The following FAM178B variants were observed in gnomAD, a reference collection of about 807,000 sequenced individuals.
The protein encoded by FAM178B is protein FAM178B.
A neutral mutation model predicts 91.7 loss-of-function variants in FAM178B; 82 were observed. That is an observed-to-expected ratio of 0.89 (90% confidence interval 0.75 to 1.07). FAM178B has a LOEUF of 1.07. Among genes scored for constraint, FAM178B ranks in the 50% least tolerant of loss-of-function variants. FAM178B has a pLI of 0.00. For synonymous variants in FAM178B, 368 were observed against 359.4 expected (o/e 1.02, Z -0.27); for missense variants, 769 against 846.7 (o/e 0.91, Z 1.14).
At chr2:96,971,816 G>A in intron 3 of FAM178B, 85 bp downstream of exon 3, 5 of 1,298,312 alleles carry the variant, frequency 3.9e-6, no homozygotes, top group Non-Finnish European at 5.1e-6. Context: ...GCGTGGCTCA[G>A]GAGAGGGTGG....
chr2:96,981,447 T>C (rs2153376499), intron 1 of FAM178B, among the ~76,000 whole-genome samples: 1 of 152,236 alleles, frequency 6.6e-6, no homozygotes, highest in Non-Finnish European at 1.5e-5. Flanking sequence ...TGTAGCCCAA[T>C]TTATCAACAT....
intron 9 of FAM178B, 131 bp downstream of exon 9, chr2:96,929,075 T>C: frequency 3.0e-6 from 2 of 672,658 alleles, no homozygotes; most frequent in Admixed American, 5.1e-5. Context: ...GGAGGATCAC[T>C]TGAGCCTGGG....
intron 6 of FAM178B, 94 bp downstream of exon 6, chr2:96,960,194 T>G (rs2082059336): frequency 1.4e-6 from 2 of 1,408,020 alleles, no homozygotes; most frequent in East Asian, 5.1e-5. Flanking sequence ...CTCTTCGAAC[T>G]TCCCCCTTTG....
intron 6 of FAM178B, among the ~76,000 whole-genome samples, chr2:96,958,577 C>A (rs2082034198): frequency 6.6e-6 from 1 of 151,506 alleles, no homozygotes; most frequent in African/African-American, 2.4e-5. Flanking sequence ...GTAAACCCAG[C>A]CACTCAGCAG....
Position 96,960,279 on chromosome 2 carries a change from C to T in FAM178B, c.887+9G>A, listed in dbSNP as rs1342105076. The T allele has an allele frequency of 6.4e-7, 1 of 1,551,612 alleles. No homozygotes were observed. The highest frequency in any genetic ancestry group is 8.7e-7 in the Non-Finnish European group (1 of 1,146,982). On this transcript the variant is annotated intron_variant, in intron 6 of 16. Coordinates refer to ENST00000490605, the MANE Select transcript of FAM178B (RefSeq NM_001122646.3). ...GCGCCACCCCCTCACCCCTCCTCCC[C>T]ACACTTACCTGAGGAACAGCCCTTC...
chr2:96,912,541 A>G lies in FAM178B; in HGVS notation c.1562+8624T>C, dbSNP rs748630693. Among the ~76,000 whole-genome samples, 4 of 152,148 alleles carry G rather than the reference A, an allele frequency of 2.6e-5. No homozygotes were observed. The Middle Eastern group carries it at 0.01, about 388-fold the overall frequency. On this transcript the variant is annotated intron_variant, in intron 12 of 16. Transcript: ENST00000490605. ...GAAGTGCTGGTTGCTCATCAGGAAG[A>G]GCCCGAGAGGTCCCTGGTGACGGAG...
At chr2:96,897,520 G>C (rs1468532332) in intron 13 of FAM178B, among the ~76,000 whole-genome samples, 1 of 152,160 alleles carries the variant, frequency 6.6e-6, no homozygotes, top group Non-Finnish European at 1.5e-5. Context: ...CCCCAAACCT[G>C]CTCCAGCTGC....
chr2:96,977,434 C>A (rs1236916418), intron 1 of FAM178B, among the ~76,000 whole-genome samples: 2 of 143,044 alleles, frequency 1.4e-5, no homozygotes, highest in Admixed American at 7.0e-5. Flanking sequence ...AAAACGTGAA[C>A]GACCGTGCCT....
At chr2:96,979,275 ATTT>A (rs745659064) in intron 1 of FAM178B, among the ~76,000 whole-genome samples, 3 of 114,396 alleles carry the variant, frequency 2.6e-5, no homozygotes, top group Admixed American at 1.0e-4. Context: ...GCGCCCAGGC[ATTT>A]TTTTTTTTTT....
At chr2:96,981,806 C>T (rs2082366665) in intron 1 of FAM178B, among the ~76,000 whole-genome samples, 1 of 150,926 alleles carries the variant, frequency 6.6e-6, no homozygotes, top group Non-Finnish European at 1.5e-5. Flanking sequence ...GGGGCTCACA[C>T]CTGTAATCCC....
chr2:96,921,548 AG>A lies in FAM178B; in HGVS notation c.1393del (p.Leu465CysfsTer32). 6.4e-7 allele frequency: 1 copy of A among 1,551,708 alleles called. No individual in the cohort carries two copies. Among genetic ancestry groups the A allele is most frequent in the Non-Finnish European group, 8.7e-7 (1 of 1,147,004 alleles). On this transcript the variant is annotated frameshift_variant, in exon 11 of 17. Coordinates refer to ENST00000490605, the MANE Select transcript of FAM178B (RefSeq NM_001122646.3). LOFTEE classifies it high-confidence loss of function. ...CRTSLDVGLR[L>X]LPKVDLQQLL... Reference sequence around the variant, plus strand: ...CTGCTGGAGGTCAACTTTGGGCAGCAGGCGGAGCCCCACGTCCAGGCTGGTG... The same window carrying A: ...CTGCTGGAGGTCAACTTTGGGCAGCAGCGGAGCCCCACGTCCAGGCTGGTG...
At chr2:96,881,499 G>A (rs2080383434) in intron 14 of FAM178B, among the ~76,000 whole-genome samples, 2 of 151,884 alleles carry the variant, frequency 1.3e-5, no homozygotes, top group Admixed American at 6.6e-5. Context: ...CACTGCTGAT[G>A]GCGCAGCTCA....
In FAM178B at chr2:96,875,963, C is replaced by T; in HGVS notation, c.*313G>A. On this transcript the variant is annotated 3_prime_UTR_variant, in exon 17 of 17. Coordinates refer to ENST00000490605, the MANE Select transcript of FAM178B (RefSeq NM_001122646.3). ...GACAGAGGAAGGAGGGTGGGGAGGA[C>T]TGAGGCCCAGGGAAACCAGAGCTAT... The T allele has an allele frequency of 4.7e-6, 2 of 423,278 alleles. No individual in the cohort carries two copies. The highest frequency in any genetic ancestry group is 4.1e-5 in the African/African-American group (2 of 49,174). The allele number at this position is 423,278 out of a possible 1,614,324, so 26.2% of individuals were successfully genotyped here.
At chr2:96,879,599 C>G (rs952981284) in intron 14 of FAM178B, among the ~76,000 whole-genome samples, 7 of 152,246 alleles carry the variant, frequency 4.6e-5, no homozygotes, top group Non-Finnish European at 1.0e-4. Context: ...TCGAAGGCCA[C>G]CTGGGGCTCC....
intron 7 of FAM178B, chr2:96,950,067 C>T (rs968224423): frequency 7.9e-5 from 78 of 985,562 alleles, no homozygotes; most frequent in Middle Eastern, 5.2e-4. Flanking sequence ...GGGGAAGGCT[C>T]GTCTGTGCCT....
chr2:96,897,294 C>G lies in FAM178B; in HGVS notation c.1651-3243G>C, dbSNP rs191662239. 6.6e-3 allele frequency among the ~76,000 whole-genome samples: 998 copies of G among 152,226 alleles called. 9 individuals are homozygous for G. Among genetic ancestry groups the G allele is most frequent in the African/African-American group, 0.022 (930 of 41,494 alleles). ...ACCGTGCCTGGCACATGGTACATGT[C>G]TAGTAAGTATCTGTCAAATGAACAA... is the stretch of plus-strand genomic sequence containing the variant. On this transcript the variant is annotated intron_variant, in intron 13 of 16. Coordinates refer to ENST00000490605, the MANE Select transcript of FAM178B (RefSeq NM_001122646.3).
At chr2:96,983,502 T>G (rs2082387933) in intron 1 of FAM178B, among the ~76,000 whole-genome samples, 1 of 151,684 alleles carries the variant, frequency 6.6e-6, no homozygotes, top group Non-Finnish European at 1.5e-5. Context: ...AACAGCTCAC[T>G]GCAGCCTCAA....
intron 12 of FAM178B, 100 bp from the exon 13 acceptor site, chr2:96,902,807 C>G: frequency 1.3e-6 from 1 of 788,152 alleles, no homozygotes; most frequent in Non-Finnish European, 2.2e-6. Flanking sequence ...GGGGAGCCAC[C>G]CTCCATCTGG....
chr2:96,927,911 C>A (rs188776310), intron 9 of FAM178B, among the ~76,000 whole-genome samples: 19 of 152,342 alleles, frequency 1.2e-4, no homozygotes, highest in African/African-American at 4.6e-4. Flanking sequence ...ATTCTCTCCC[C>A]CGCTCATCCA....
Sources: allele counts gnomAD v4.1 joint callset (sites outside exome capture counted in the v4.1 genomes callset), GRCh38; gene constraint gnomAD v4.1.1; transcripts MANE v1.5; gene names NCBI Gene and HGNC (gene_info 2026-07-23, HGNC 2026-07-21).